The following PGM5 variants were observed in gnomAD, a reference collection of about 807,000 sequenced individuals.
The protein encoded by PGM5 is phosphoglucomutase-like protein 5.
In PGM5, 23 loss-of-function variants were observed where a neutral mutation model predicts 59.2. The ratio of observed to expected loss-of-function variants is 0.39; its 90% CI spans 0.28 to 0.55. PGM5 has a LOEUF of 0.55. Ranked by LOEUF, PGM5 falls within the 20% of genes least tolerant of loss-of-function variation. The pLI is 0.66. For missense variants in PGM5, 574 were observed against 748.3 expected, an observed-to-expected ratio of 0.77 and a Z score of 2.72; for synonymous variants, 214 against 286.0, an observed-to-expected ratio of 0.75 and a Z score of 2.54.
intron 6 of PGM5, among the ~76,000 whole-genome samples, chr9:68,392,804 G>A (rs1822400031): frequency 6.6e-6 from 1 of 152,050 alleles, no homozygotes; most frequent in African/African-American, 2.4e-5. Context: ...ATTTAACATG[G>A]TGCCTGGTAC....
At chr9:68,474,532 A>G (rs1554686507) in intron 7 of PGM5, among the ~76,000 whole-genome samples, 1 of 151,930 alleles carries the variant, frequency 6.6e-6, no homozygotes. Flanking sequence ...TCAAAGTTTA[A>G]TTTGAGTGGA....
At chr9:68,422,987 T>A (rs893971502) in intron 6 of PGM5, among the ~76,000 whole-genome samples, 2 of 152,250 alleles carry the variant, frequency 1.3e-5, no homozygotes, top group African/African-American at 4.8e-5. Context: ...TGGTTTCCCA[T>A]TCCTGAATTA....
At chr9:68,417,994 G>A (rs1823063655) in intron 6 of PGM5, among the ~76,000 whole-genome samples, 1 of 152,202 alleles carries the variant, frequency 6.6e-6, no homozygotes. Flanking sequence ...GATACCACCA[G>A]GGAGCAGCGA....
chr9:68,454,168 A>G (rs898634753), intron 6 of PGM5, among the ~76,000 whole-genome samples: 6 of 152,132 alleles, frequency 3.9e-5, no homozygotes, highest in African/African-American at 1.4e-4. Flanking sequence ...TTCTCTCCCT[A>G]TAGGATTTCC....
chr9:68,522,360 G>A (rs778251862), intron 10 of PGM5, among the ~76,000 whole-genome samples: 2 of 152,150 alleles, frequency 1.3e-5, no homozygotes, highest in African/African-American at 4.8e-5. Flanking sequence ...GGAAGTAGAT[G>A]GGGAGAAATA....
At chr9:68,391,414 G>A (rs1251260967) in intron 4 of PGM5, 120 bp from the exon 5 acceptor site, 9 of 763,648 alleles carry the variant, frequency 1.2e-5, no homozygotes, top group South Asian at 7.2e-5. Context: ...TCTTTAAAAC[G>A]ATTGTAAATT....
intron 10 of PGM5, among the ~76,000 whole-genome samples, chr9:68,520,057 T>A (rs1339771994): frequency 1.4e-5 from 2 of 144,392 alleles, no homozygotes; most frequent in Non-Finnish European, 3.0e-5. Context: ...ACCACTGCGC[T>A]CCAGCTTGAG....
intron 10 of PGM5, among the ~76,000 whole-genome samples, chr9:68,526,404 C>T (rs1824975122): frequency 6.6e-6 from 1 of 152,210 alleles, no homozygotes; most frequent in Non-Finnish European, 1.5e-5. Flanking sequence ...CCACGGAAGC[C>T]CTCTTCTCTG....
intron 6 of PGM5, among the ~76,000 whole-genome samples, chr9:68,458,624 C>T (rs1468313655): frequency 2.6e-5 from 4 of 152,096 alleles, no homozygotes; most frequent in Non-Finnish European, 5.9e-5. Context: ...ATAAGACAGG[C>T]AAGGCAGGGG....
At chr9:68,469,852 C>T (rs1463413079) in intron 7 of PGM5, among the ~76,000 whole-genome samples, 4 of 152,138 alleles carry the variant, frequency 2.6e-5, no homozygotes, top group East Asian at 1.9e-4. Flanking sequence ...AAAGAATTTT[C>T]GTTTTGTTAT....
At chr9:68,466,701 G>T (rs1201194936) in intron 7 of PGM5, 6 of 152,560 alleles carry the variant, frequency 3.9e-5, no homozygotes, top group African/African-American at 1.4e-4. Flanking sequence ...TGTACCACAG[G>T]CCTCAAATTC....
chr9:68,452,550 G>A (rs1326575914), intron 6 of PGM5, among the ~76,000 whole-genome samples: 1 of 152,178 alleles, frequency 6.6e-6, no homozygotes, highest in Non-Finnish European at 1.5e-5. Flanking sequence ...CTCAGTGCAG[G>A]TAGCACTGCA....
At position 68,499,229 on chromosome 9, in the gene PGM5, C is replaced by T; in HGVS notation, c.1482C>T (p.Gly494=). The change falls in exon 10 of 11, where the codon GGC becomes GGT. Residue 494 remains glycine (G), a splice_region_variant and synonymous_variant. Coordinates refer to ENST00000396396, the MANE Select transcript of PGM5 (RefSeq NM_021965.4). ...PVDGTVTKKQ[G]LRIIFSDASR... Reference sequence around the variant, plus strand: ...ATTCTGGATGTTCTTGGTCTCAGGGCCTAAGGATCATTTTCTCGGATGCAT... The same window carrying T: ...ATTCTGGATGTTCTTGGTCTCAGGGTCTAAGGATCATTTTCTCGGATGCAT... 6.2e-7 allele frequency: 1 copy of T among 1,614,130 alleles called. No homozygotes were observed.
At chr9:68,524,670 C>T (rs1470680826) in intron 10 of PGM5, among the ~76,000 whole-genome samples, 1 of 152,154 alleles carries the variant, frequency 6.6e-6, no homozygotes, top group Non-Finnish European at 1.5e-5. Flanking sequence ...TCAGTCCTAC[C>T]CAACTCCTCA....
chr9:68,421,113 G>C (rs925923623), intron 6 of PGM5, among the ~76,000 whole-genome samples: 1 of 152,274 alleles, frequency 6.6e-6, no homozygotes, highest in East Asian at 1.9e-4. Context: ...TCCATGTCAG[G>C]GTACATAGTG....
At chr9:68,466,264 C>T in intron 7 of PGM5, 3 of 883,752 alleles carry the variant, frequency 3.4e-6, no homozygotes, top group African/African-American at 2.2e-5. Context: ...TTCTCCGATA[C>T]TGTGTGTTTT....
At chr9:68,486,426 T>C (rs1824297036) in intron 9 of PGM5, among the ~76,000 whole-genome samples, 1 of 152,168 alleles carries the variant, frequency 6.6e-6, no homozygotes, top group Non-Finnish European at 1.5e-5. Context: ...TTAGCTGTCA[T>C]CTTCCTCCCA....
Position 68,494,233 on chromosome 9 carries a change from A to T in PGM5, c.1480-4994A>T, listed in dbSNP as rs936720662. On this transcript the variant is annotated intron_variant, in intron 9 of 10. Coordinates refer to ENST00000396396, the MANE Select transcript of PGM5 (RefSeq NM_021965.4). Reference sequence around the variant, plus strand: ...TACGAAGACTGTGCTAAAAAAAAAAAATAATAATGTCAGATGGTTCAAGAG... The same window carrying T: ...TACGAAGACTGTGCTAAAAAAAAAATATAATAATGTCAGATGGTTCAAGAG... 9.1e-4 allele frequency among the ~76,000 whole-genome samples: 138 copies of T among 152,270 alleles called. 1 individual carries two copies. The highest frequency in any genetic ancestry group is 3.1e-3 in the African/African-American group (130 of 41,556).
chr9:68,503,727 T>C (rs1453096370), intron 10 of PGM5, among the ~76,000 whole-genome samples: 1 of 151,806 alleles, frequency 6.6e-6, no homozygotes, highest in Non-Finnish European at 1.5e-5. Context: ...ATGAGAAGAG[T>C]CAGCTCAGAG....
Sources: allele counts gnomAD v4.1 joint callset (sites outside exome capture counted in the v4.1 genomes callset), GRCh38; gene constraint gnomAD v4.1.1; transcripts MANE v1.5; gene names NCBI Gene and HGNC (gene_info 2026-07-23, HGNC 2026-07-21).